Variants in ROCK2 observed in about 807,000 individuals in gnomAD.
The protein encoded by ROCK2 is Rho associated coiled-coil containing protein kinase 2, also known as rho-associated protein kinase 2.
A neutral mutation model predicts 195.1 loss-of-function variants in ROCK2; 61 were observed. The ratio of observed to expected loss-of-function variants is 0.31; its 90% CI spans 0.25 to 0.39. The LOEUF is 0.39. Ranked by LOEUF, ROCK2 falls within the 10% of genes least tolerant of loss-of-function variation. The pLI, the probability that ROCK2 is intolerant of heterozygous loss-of-function variation, is 1.00. For synonymous variants in ROCK2, 504 were observed against 545.5 expected, an observed-to-expected ratio of 0.92 and a Z score of 1.06; for missense variants, 1,109 against 1,637.4, an observed-to-expected ratio of 0.68 and a Z score of 5.57.
At chr2:11,323,765 C>A (rs1009383324) in intron 1 of ROCK2, among the ~76,000 whole-genome samples, 10 of 152,154 alleles carry the variant, frequency 6.6e-5, no homozygotes, top group African/African-American at 2.2e-4. Context: ...CCTGCATACA[C>A]ATAGCCTTCC....
At chr2:11,221,148 ATAGC>A (rs756533995) in intron 9 of ROCK2, 46 bp downstream of exon 9, 1 of 1,370,318 alleles carries the variant, frequency 7.3e-7, no homozygotes, top group Non-Finnish European at 9.8e-7. Context: ...ACATCATCTT[ATAGC>A]TAGATTCTAA....
intron 1 of ROCK2, among the ~76,000 whole-genome samples, chr2:11,291,986 T>C (rs1667376270): frequency 2.1e-5 from 1 of 48,582 alleles, no homozygotes; most frequent in South Asian, 9.8e-4. Context: ...GATAGACAAA[T>C]GACAGACTAT....
At chr2:11,242,028 A>C (rs1343790676) in intron 4 of ROCK2, among the ~76,000 whole-genome samples, 17 of 152,182 alleles carry the variant, frequency 1.1e-4, no homozygotes, top group Admixed American at 1.1e-3. Flanking sequence ...CACAGAGACA[A>C]GGTGCCATAT....
At position 11,312,478 on chromosome 2, in the gene ROCK2, ATT is replaced by A. The variant is rs1319603186; in HGVS notation, c.142-24744_142-24743del. Among the ~76,000 whole-genome samples the A allele has an allele frequency of 6.6e-5, 10 of 152,186 alleles. No individual in the cohort carries two copies. The South Asian group carries it at 1.7e-3, about 25-fold the overall frequency. On this transcript the variant is annotated intron_variant, in intron 1 of 32. Transcript: ENST00000315872. ...CCCCACTTTCTCCAAGCAACGAATG[ATT>A]TGTTTTCCTATCACTATAAATTACT... is the stretch of plus-strand genomic sequence containing the variant.
At chr2:11,222,551 A>T (rs1664672047) in intron 7 of ROCK2, among the ~76,000 whole-genome samples, 1 of 152,168 alleles carries the variant, frequency 6.6e-6, no homozygotes, top group African/African-American at 2.4e-5. Context: ...GTTATTCAAA[A>T]CTTCCCTAAT....
intron 3 of ROCK2, among the ~76,000 whole-genome samples, chr2:11,261,958 TAG>T (rs1207807503): frequency 2.0e-5 from 3 of 152,218 alleles, no homozygotes; most frequent in African/African-American, 4.8e-5. Context: ...CATCATATCA[TAG>T]AGTTATTGCA....
At chr2:11,322,735 A>G (rs765567432) in intron 1 of ROCK2, among the ~76,000 whole-genome samples, 2 of 152,212 alleles carry the variant, frequency 1.3e-5, no homozygotes, top group African/African-American at 4.8e-5. Context: ...TATGTGGTAG[A>G]AAGTTAAAAA....
chr2:11,342,246 A>G (rs1012364055), intron 1 of ROCK2, among the ~76,000 whole-genome samples: 1 of 152,196 alleles, frequency 6.6e-6, no homozygotes, highest in Admixed American at 6.5e-5. Flanking sequence ...CCTGATGTCA[A>G]TTCTCAGATC....
Position 11,317,605 on chromosome 2 carries a change from TATA to T in ROCK2, c.141+26388_141+26390del, listed in dbSNP as rs1245317913. ...ATATATATATATATATATATATATA[TATA>T]TATATTTTTTTTTTTTTTTAATTAT... On this transcript the variant is annotated intron_variant, in intron 1 of 32. Coordinates refer to ENST00000315872, the MANE Select transcript of ROCK2 (RefSeq NM_004850.5). 8.4e-4 allele frequency among the ~76,000 whole-genome samples: 19 copies of T among 22,700 alleles called. 1 individual carries two copies. The East Asian group carries it at 0.019, about 23-fold the overall frequency. The allele number at this position is 22,700 out of a possible 152,430, so 14.9% of individuals were successfully genotyped here.
chr2:11,303,890 C>T (rs1667779035), intron 1 of ROCK2, among the ~76,000 whole-genome samples: 1 of 152,172 alleles, frequency 6.6e-6, no homozygotes, highest in Non-Finnish European at 1.5e-5. Context: ...TTTAGACAGT[C>T]CTTCACTATT....
intron 1 of ROCK2, among the ~76,000 whole-genome samples, chr2:11,312,259 T>C (rs1182165475): frequency 6.6e-6 from 1 of 152,170 alleles, no homozygotes; most frequent in Non-Finnish European, 1.5e-5. Flanking sequence ...AGCTTCGTTT[T>C]AAAAAGGAGC....
chr2:11,324,425 A>AAAAACAAAACAAAAC (rs55779313), intron 1 of ROCK2, among the ~76,000 whole-genome samples: 17 of 150,642 alleles, frequency 1.1e-4, no homozygotes, highest in Admixed American at 1.3e-4. Flanking sequence ...CTCCGTCTCA[A>AAAAACAAAACAAAAC]AAAACAAAAC....
In ROCK2 at chr2:11,344,250, C is replaced by T. The variant is rs1669208844; in HGVS notation, c.-114G>A. ...GCCGGGACTCCACCCGGGCCCACCG[C>T]CTGCCTCTAGCTCCGGCTTCGGGTC... On this transcript the variant is annotated 5_prime_UTR_variant, in exon 1 of 33. Transcript: ENST00000315872. The surrounding 1 kb of genome is among the most constrained non-coding windows in gnomAD (Gnocchi z 5.4). 1.5e-6 allele frequency: 2 copies of T among 1,305,032 alleles called. No homozygotes were observed. The highest frequency in any genetic ancestry group is 8.4e-5 in the Admixed American group (2 of 23,752). The allele number at this position is 1,305,032 out of a possible 1,614,324, so 80.8% of individuals were successfully genotyped here.
chr2:11,287,877 A>G (rs1157691988), intron 1 of ROCK2, 141 bp from the exon 2 acceptor site: 5 of 378,688 alleles, frequency 1.3e-5, no homozygotes, highest in Non-Finnish European at 2.5e-5. Flanking sequence ...TAAGTTCCAT[A>G]TCCAACAGCT....
At position 11,344,177 on chromosome 2, in the gene ROCK2, G is replaced by C; in HGVS notation, c.-41C>G. ...CCCGCACTCAGGCTCCTCGCGCTCA[G>C]GTCCCGCAGCCTCGGGGCCTAGCAC... On this transcript the variant is annotated 5_prime_UTR_variant, in exon 1 of 33. Coordinates refer to ENST00000315872, the MANE Select transcript of ROCK2 (RefSeq NM_004850.5). The surrounding 1 kb of genome is among the most constrained non-coding windows in gnomAD (Gnocchi z 5.4). 2.2e-6 allele frequency: 3 copies of C among 1,388,590 alleles called. No individual in the cohort carries two copies. The highest frequency in any genetic ancestry group is 2.8e-6 in the Non-Finnish European group (3 of 1,075,482). 86.0% of individuals were successfully genotyped at this position (1,388,590 alleles called of 1,614,324 possible).
chr2:11,218,150 G>GT (rs1664497514), intron 11 of ROCK2: 1 of 240,916 alleles, frequency 4.2e-6, no homozygotes, highest in Non-Finnish European at 7.9e-6. Context: ...AACTAGTCAA[G>GT]TTTAATTGCT....
chr2:11,315,761 T>C (rs990354142), intron 1 of ROCK2, among the ~76,000 whole-genome samples: 1 of 152,138 alleles, frequency 6.6e-6, no homozygotes, highest in Non-Finnish European at 1.5e-5. Flanking sequence ...TTTCACTTTT[T>C]TGAACAACCT....
intron 1 of ROCK2, among the ~76,000 whole-genome samples, chr2:11,290,414 C>T (rs1176236388): frequency 2.0e-5 from 3 of 152,092 alleles, no homozygotes; most frequent in East Asian, 3.9e-4. Context: ...GCCTGGGCAA[C>T]ACAGCAAGAC....
At chr2:11,268,522 C>CTCTGTG (rs71393865) in intron 3 of ROCK2, among the ~76,000 whole-genome samples, 4 of 140,554 alleles carry the variant, frequency 2.8e-5, no homozygotes, top group Non-Finnish European at 3.1e-5. Context: ...CAGTTTTGCA[C>CTCTGTG]TGTGTGTGTG....
Sources: gnomAD v4.1 joint callset for allele counts (sites outside exome capture counted in the v4.1 genomes callset) on GRCh38, gnomAD v4.1.1 for gene constraint, Gnocchi (gnomAD v3.1) non-coding constraint, MANE v1.5 for transcripts, NCBI Gene and HGNC (gene_info 2026-07-23, HGNC 2026-07-21) for gene names.